Variants in LTBP1 observed in about 807,000 individuals in gnomAD.
LTBP1 encodes latent transforming growth factor beta binding protein 1.
A neutral mutation model predicts 207.6 loss-of-function variants in LTBP1; 129 were observed. That is an observed-to-expected ratio of 0.62 (90% CI 0.54 to 0.72). The LOEUF (loss-of-function observed/expected upper bound fraction) is 0.72. LTBP1 is among the 30% of genes least tolerant of loss of function. The pLI is 0.00. For synonymous variants in LTBP1, 963 were observed against 833.7 expected (o/e 1.16, Z -2.67); for missense variants, 2,281 against 2,217.2 (o/e 1.03, Z -0.58).
intron 24 of LTBP1, among the ~76,000 whole-genome samples, chr2:33,333,767 A>C (rs1285514419): frequency 6.6e-6 from 1 of 152,190 alleles, no homozygotes; most frequent in Non-Finnish European, 1.5e-5. Flanking sequence ...TAATGTTCAG[A>C]AGAGAAGTCT....
chr2:33,155,711 C>T (rs76639587), intron 5 of LTBP1, among the ~76,000 whole-genome samples: 2,281 of 152,204 alleles, frequency 0.015, 23 homozygotes, highest in East Asian at 0.027. Context: ...CACTGCACTT[C>T]TGGTGTTTCA....
chr2:33,199,468 T>C (rs1320265295), intron 7 of LTBP1, among the ~76,000 whole-genome samples: 4 of 152,148 alleles, frequency 2.6e-5, no homozygotes, highest in African/African-American at 9.7e-5. Context: ...ATTGATGGGA[T>C]GTATCTCAAA....
chr2:32,957,479 G>A (rs920152791), intron 2 of LTBP1, among the ~76,000 whole-genome samples: 2 of 152,152 alleles, frequency 1.3e-5, no homozygotes, highest in Non-Finnish European at 2.9e-5. Flanking sequence ...ATGAGGGAAC[G>A]GCTGGTCGGT....
intron 2 of LTBP1, among the ~76,000 whole-genome samples, chr2:33,005,267 T>C (rs1222666550): frequency 6.6e-6 from 1 of 152,206 alleles, no homozygotes; most frequent in Admixed American, 6.5e-5. Context: ...CTGCTCCATG[T>C]ATCAGCGTGG....
chr2:32,951,505 TA>T (rs1354280421), intron 2 of LTBP1, among the ~76,000 whole-genome samples: 1 of 152,200 alleles, frequency 6.6e-6, no homozygotes, highest in East Asian at 1.9e-4. Context: ...GCTGATGCTA[TA>T]AACCTTGTGT....
intron 15 of LTBP1, among the ~76,000 whole-genome samples, chr2:33,273,268 C>G (rs1383499307): frequency 2.0e-5 from 3 of 152,096 alleles, no homozygotes; most frequent in Non-Finnish European, 4.4e-5. Flanking sequence ...TAAGAAATCT[C>G]TTACCTATTG....
intron 25 of LTBP1, among the ~76,000 whole-genome samples, chr2:33,343,286 C>T (rs13430745): frequency 0.21 from 32,335 of 151,430 alleles, 4,149 homozygotes; most frequent in African/African-American, 0.36. Flanking sequence ...TGGTGGATGC[C>T]TGTAGTCCCA....
chr2:33,376,699 A>G (rs766659839), intron 31 of LTBP1, among the ~76,000 whole-genome samples: 7 of 152,196 alleles, frequency 4.6e-5, no homozygotes, highest in Non-Finnish European at 8.8e-5. Flanking sequence ...CCAACTATAC[A>G]TGCCCTCCCG....
chr2:33,132,122 A>G (rs1321194557), intron 4 of LTBP1, among the ~76,000 whole-genome samples: 1 of 152,128 alleles, frequency 6.6e-6, no homozygotes, highest in East Asian at 1.9e-4. Context: ...CAGAAAAAGG[A>G]GGAGTTTATA....
intron 24 of LTBP1, among the ~76,000 whole-genome samples, chr2:33,324,928 A>G (rs892054071): frequency 1.3e-5 from 2 of 152,112 alleles, no homozygotes; most frequent in Non-Finnish European, 2.9e-5. Context: ...GATGGTCTCT[A>G]TCTTCTGACC....
At chr2:33,085,080 G>A (rs1382627274) in intron 3 of LTBP1, among the ~76,000 whole-genome samples, 1 of 152,194 alleles carries the variant, frequency 6.6e-6, no homozygotes, top group Non-Finnish European at 1.5e-5. Context: ...CACAGGGAGA[G>A]GAGATCTTGT....
intron 2 of LTBP1, among the ~76,000 whole-genome samples, chr2:33,018,152 G>GT (rs56791136): frequency 0.12 from 16,915 of 145,858 alleles, 1,025 homozygotes; most frequent in African/African-American, 0.13. Context: ...TAAGTTCAAA[G>GT]TTTTTTTTTT....
rs139882795 is a variant in LTBP1, at chr2:33,099,414, A to G, written c.864-11168A>G. Among the ~76,000 whole-genome samples, 654 of 152,338 alleles carry G rather than the reference A, an allele frequency of 4.3e-3. 2 individuals carry two copies. Among genetic ancestry groups the G allele is most frequent in the African/African-American group, 0.015 (636 of 41,582 alleles). On this transcript the variant is annotated intron_variant, in intron 3 of 33. Transcript: ENST00000404816. ...CCTGAGAGATTCTCTTCCTAATTTG[A>G]ACAGATATCTACTTGTATATTACAT...
intron 26 of LTBP1, among the ~76,000 whole-genome samples, chr2:33,355,911 C>G (rs1242199682): frequency 6.6e-6 from 1 of 150,458 alleles, no homozygotes; most frequent in East Asian, 1.9e-4. Flanking sequence ...GAGAGATCCT[C>G]TTTTAAAGTG....
At chr2:33,048,537 A>G (rs2076561860) in intron 3 of LTBP1, among the ~76,000 whole-genome samples, 1 of 152,236 alleles carries the variant, frequency 6.6e-6, no homozygotes, top group Admixed American at 6.5e-5. Flanking sequence ...GGCTGCAAGA[A>G]GAAAAAAAAG....
At position 33,179,851 on chromosome 2, in the gene LTBP1, C is replaced by A. The variant is rs1364057175; in HGVS notation, c.1202-7005C>A. ...TAAGTTTTAATCTATCATTTATATT[C>A]TTTGTGTTTAACTCTGTCTACTTTT... On this transcript the variant is annotated intron_variant, in intron 5 of 33. Coordinates refer to ENST00000404816, the MANE Select transcript of LTBP1 (RefSeq NM_206943.4). Among the ~76,000 whole-genome samples, 3 of 152,194 alleles carry A rather than the reference C, an allele frequency of 2.0e-5. No individual in the cohort carries two copies. The East Asian group carries it at 5.8e-4, about 29-fold the overall frequency.
In LTBP1 at chr2:33,134,300, A is replaced by T. The variant is rs1369795028; in HGVS notation, c.1034-493A>T. ...GTTTTCAGACATGCCGCATGCCTAA[A>T]ACATTTCCAGGGGTCGGGCTGCAAA... On this transcript the variant is annotated intron_variant, in intron 4 of 33. Transcript: ENST00000404816. The surrounding 1 kb of genome is among the most constrained non-coding windows in gnomAD (Gnocchi z 4.4). The T allele has an allele frequency of 2.5e-6, 1 of 399,252 alleles. No homozygotes were observed. Among genetic ancestry groups the T allele is most frequent in the Non-Finnish European group, 5.0e-6 (1 of 198,218 alleles). 24.7% of individuals were successfully genotyped at this position (399,252 alleles called of 1,614,324 possible). A position where few individuals can be genotyped will look rare whatever the true frequency, so the allele number is the denominator to read the frequency against.
At chr2:33,393,128 A>T (rs1290998149) in intron 32 of LTBP1, among the ~76,000 whole-genome samples, 1 of 151,750 alleles carries the variant, frequency 6.6e-6, no homozygotes, top group Non-Finnish European at 1.5e-5. Flanking sequence ...GGTTAGTGGT[A>T]CAGATTATTA....
At chr2:33,221,421 CTA>C (rs1169146622) in intron 8 of LTBP1, among the ~76,000 whole-genome samples, 2 of 152,206 alleles carry the variant, frequency 1.3e-5, no homozygotes, top group African/African-American at 4.8e-5. Context: ...AAGTCTCACT[CTA>C]GAGTATCAGA....
Sources: allele counts gnomAD v4.1 joint callset (sites outside exome capture counted in the v4.1 genomes callset), GRCh38; gene constraint gnomAD v4.1.1; non-coding constraint Gnocchi (gnomAD v3.1); transcripts MANE v1.5; gene names NCBI Gene and HGNC (gene_info 2026-07-23, HGNC 2026-07-21).